Variants in SLC5A12 observed in about 807,000 individuals in gnomAD.
SLC5A12 encodes sodium-coupled monocarboxylate transporter 2.
In SLC5A12, 46 loss-of-function variants were observed where a neutral mutation model predicts 72.7. That is an observed-to-expected ratio of 0.63 (90% CI 0.50 to 0.81). The LOEUF (loss-of-function observed/expected upper bound fraction) is 0.81. SLC5A12 is among the 30% of genes least tolerant of loss of function. The probability of loss-of-function intolerance (pLI) is 0.00; values close to 1 mark genes in which losing one functional copy is unlikely to be tolerated. For missense variants in SLC5A12, 683 were observed against 740.7 expected (o/e 0.92, Z 0.90); for synonymous variants, 275 against 264.4 (o/e 1.04, Z -0.39).
intron 7 of SLC5A12, 132 bp downstream of exon 7, chr11:26,698,274 G>T (rs1854873937): frequency 8.3e-7 from 1 of 1,211,178 alleles, no homozygotes; most frequent in African/African-American, 1.5e-5. Context: ...AGAGAAGAAA[G>T]AAACCAACTT....
intron 9 of SLC5A12, among the ~76,000 whole-genome samples, chr11:26,690,898 T>G (rs1046451811): frequency 5.3e-5 from 8 of 151,664 alleles, no homozygotes; most frequent in African/African-American, 1.9e-4. Flanking sequence ...AAAGGAAATA[T>G]AAGTAAACAT....
intron 3 of SLC5A12, 33 bp downstream of exon 3, chr11:26,711,274 G>A (rs757202584): frequency 1.3e-6 from 2 of 1,589,626 alleles, no homozygotes; most frequent in Non-Finnish European, 8.6e-7. Context: ...CATAAAAATG[G>A]TAAAATATGC....
intron 8 of SLC5A12, among the ~76,000 whole-genome samples, chr11:26,694,819 T>C (rs1854771122): frequency 6.6e-6 from 1 of 152,208 alleles, no homozygotes; most frequent in Admixed American, 6.5e-5. Flanking sequence ...ACATGCATTT[T>C]ATTCTTCTAC....
Position 26,706,237 on chromosome 11 carries a change from T to C in SLC5A12, c.526-2290A>G, listed in dbSNP as rs148435083. Among the ~76,000 whole-genome samples the C allele has an allele frequency of 1.1e-3, 167 of 146,352 alleles. 1 individual carries two copies. Among genetic ancestry groups the C allele is most frequent in the African/African-American group, 4.0e-3 (156 of 39,390 alleles). On this transcript the variant is annotated intron_variant, in intron 4 of 14. Coordinates refer to ENST00000396005, the MANE Select transcript of SLC5A12 (RefSeq NM_178498.4). Reference sequence around the variant, plus strand: ...GAACAGAGGTGTGGTACAGAGATTATATGGGTAGATTGGATTCATAGAATG... The same window carrying C: ...GAACAGAGGTGTGGTACAGAGATTACATGGGTAGATTGGATTCATAGAATG...
rs137900684 is a variant in SLC5A12, at chr11:26,687,686, T to A, written c.1154-1142A>T. The stretch of plus-strand genomic sequence containing the variant: ...CAGAGTCATTACATGATATTCCTTA[T>A]GAGGAACCCACTCTTAAAATGAAAT... On this transcript the variant is annotated intron_variant, in intron 9 of 14. Coordinates refer to ENST00000396005, the MANE Select transcript of SLC5A12 (RefSeq NM_178498.4). Among the ~76,000 whole-genome samples the A allele has an allele frequency of 3.3e-5, 5 of 152,344 alleles. No individual in the cohort carries two copies. In the South Asian group the frequency reaches 1.0e-3, roughly 32 times the overall value.
chr11:26,686,680 T>C, intron 9 of SLC5A12, 136 bp from the exon 10 acceptor site: 1 of 674,462 alleles, frequency 1.5e-6, no homozygotes, highest in Non-Finnish European at 2.6e-6. Flanking sequence ...TCCTCCCCAT[T>C]CAGCCATCAT....
intron 3 of SLC5A12, among the ~76,000 whole-genome samples, chr11:26,710,860 T>G (rs190459650): frequency 1.3e-5 from 2 of 152,080 alleles, no homozygotes; most frequent in Non-Finnish European, 2.9e-5. Context: ...TTTTTTTCTT[T>G]CCTTTTTGTT....
intron 13 of SLC5A12, 38 bp from the exon 14 acceptor site, chr11:26,673,567 G>C: frequency 1.9e-6 from 3 of 1,539,850 alleles, no homozygotes; most frequent in East Asian, 2.4e-5. Context: ...ATGGTTGCAG[G>C]CCTCCATGTC....
At chr11:26,707,597 T>A (rs1451612256) in intron 4 of SLC5A12, among the ~76,000 whole-genome samples, 2 of 152,046 alleles carry the variant, frequency 1.3e-5, no homozygotes, top group African/African-American at 4.8e-5. Flanking sequence ...CTCTTTATCA[T>A]AATCATTATA....
At chr11:26,681,653 A>G (rs1000233446) in intron 11 of SLC5A12, among the ~76,000 whole-genome samples, 3 of 152,182 alleles carry the variant, frequency 2.0e-5, no homozygotes, top group African/African-American at 7.2e-5. Context: ...TAACCAGCAG[A>G]GTCCCCTGAC....
intron 1 of SLC5A12, among the ~76,000 whole-genome samples, chr11:26,715,673 T>C (rs1855334760): frequency 6.6e-6 from 1 of 152,190 alleles, no homozygotes; most frequent in African/African-American, 2.4e-5. Context: ...TTCTAGTAAA[T>C]ATATTGCAAG....
At chr11:26,710,944 G>C (rs576772043) in intron 3 of SLC5A12, among the ~76,000 whole-genome samples, 1 of 151,978 alleles carries the variant, frequency 6.6e-6, no homozygotes, top group East Asian at 1.9e-4. Flanking sequence ...TTTATACTGA[G>C]ATTATCTACT....
rs192716479 is a variant in SLC5A12 at position 26,716,941 on chromosome 11, T to C, written c.340-4235A>G. 2.0e-5 allele frequency among the ~76,000 whole-genome samples: 3 copies of C among 152,270 alleles called. No homozygotes were observed. The East Asian group carries it at 5.8e-4, about 29-fold the overall frequency. On this transcript the variant is annotated intron_variant, in intron 1 of 14. Coordinates refer to ENST00000396005, the MANE Select transcript of SLC5A12 (RefSeq NM_178498.4). ...TCACTTCCCTTCCCAAACACTGTAATGACCCATCATTTCTAGAGTAAAAGC... is the reference window on the plus strand; with the variant it reads ...TCACTTCCCTTCCCAAACACTGTAACGACCCATCATTTCTAGAGTAAAAGC...
At chr11:26,716,653 C>A (rs78635727) in intron 1 of SLC5A12, among the ~76,000 whole-genome samples, 40 of 152,080 alleles carry the variant, frequency 2.6e-4, no homozygotes, top group Non-Finnish European at 3.7e-4. Flanking sequence ...CAGGTTGGTT[C>A]GAGCCCAAAT....
chr11:26,678,087 C>A (rs145473989), intron 13 of SLC5A12, among the ~76,000 whole-genome samples: 5 of 152,088 alleles, frequency 3.3e-5, no homozygotes, highest in African/African-American at 4.8e-5. Flanking sequence ...GAGAACTCCA[C>A]GACCCTAGAG....
At chr11:26,701,362 A>G (rs1385375299) in intron 6 of SLC5A12, among the ~76,000 whole-genome samples, 1 of 152,204 alleles carries the variant, frequency 6.6e-6, no homozygotes, top group African/African-American at 2.4e-5. Flanking sequence ...GGGAGTTGGC[A>G]TGAGTGGAAC....
chr11:26,698,559 T>C (rs763072432), intron 6 of SLC5A12, 24 bp from the exon 7 acceptor site: 19 of 1,613,020 alleles, frequency 1.2e-5, no homozygotes, highest in Non-Finnish European at 1.6e-5. Flanking sequence ...CATGGGCCTA[T>C]TGGTAGCCTG....
At chr11:26,677,086 T>G (rs4244526) in intron 13 of SLC5A12, among the ~76,000 whole-genome samples, 143,145 of 152,106 alleles carry the variant, frequency 0.94, 67,999 homozygotes, top group East Asian at 1. Context: ...AGACCTGAGG[T>G]TATCAGGCTA....
At chr11:26,690,646 T>TAAA (rs747754564) in intron 9 of SLC5A12, among the ~76,000 whole-genome samples, 3 of 92,718 alleles carry the variant, frequency 3.2e-5, no homozygotes, top group South Asian at 3.6e-4. Flanking sequence ...CCACCTCTAC[T>TAAA]AAAAAAAAAA....
Sources: allele counts gnomAD v4.1 joint callset (sites outside exome capture counted in the v4.1 genomes callset), GRCh38; gene constraint gnomAD v4.1.1; transcripts MANE v1.5; gene names NCBI Gene and HGNC (gene_info 2026-07-23, HGNC 2026-07-21).